ATP13A3: variants seen among roughly 807,000 people sequenced by gnomAD.
ATP13A3 encodes ATPase 13A3.
In ATP13A3, 59 loss-of-function variants were observed where a neutral mutation model predicts 158.1. That is an observed-to-expected ratio of 0.37 (90% CI 0.30 to 0.46). The LOEUF (loss-of-function observed/expected upper bound fraction) is 0.46, where lower values mean the gene tolerates loss of function less well. ATP13A3 is among the 20% of genes least tolerant of loss of function. The pLI is 1.00. For missense variants in ATP13A3, 1,166 were observed against 1,525.2 expected (o/e 0.76, Z 3.92); for synonymous variants, 491 against 504.3 (o/e 0.97, Z 0.35).
chr3:194,449,847 C>T (rs934277716), intron 11 of ATP13A3, among the ~76,000 whole-genome samples: 1 of 152,092 alleles, frequency 6.6e-6, no homozygotes, highest in Admixed American at 6.6e-5. Flanking sequence ...ATACTGTATG[C>T]CACATTTTCT....
At chr3:194,486,402 T>C (rs926798047) in intron 1 of ATP13A3, among the ~76,000 whole-genome samples, 164 bp downstream of exon 1, 1 of 149,718 alleles carries the variant, frequency 6.7e-6, no homozygotes. Context: ...CGTGGGCTCC[T>C]GCCCTGGCCT....
chr3:194,412,473 A>C (rs1715516327), intron 32 of ATP13A3, 185 bp from the exon 33 acceptor site: 5 of 553,882 alleles, frequency 9.0e-6, no homozygotes, highest in Non-Finnish European at 1.3e-5. Flanking sequence ...ACAAATACAA[A>C]TCATCATAAA....
At chr3:194,433,392 C>T (rs1006791794) in intron 21 of ATP13A3, among the ~76,000 whole-genome samples, 2 of 151,924 alleles carry the variant, frequency 1.3e-5, no homozygotes, top group Non-Finnish European at 2.9e-5. Flanking sequence ...TACAGGCACC[C>T]GCCACCGCTC....
rs553336865 is a variant in ATP13A3 at position 194,448,966 on chromosome 3, C to T, written c.971-330G>A. Among the ~76,000 whole-genome samples the T allele has an allele frequency of 2.0e-5, 3 of 151,396 alleles. No homozygotes were observed. The South Asian group carries it at 6.3e-4, about 32-fold the overall frequency. ...AAAAGATTAAGTAGTTGCTATAGTC[C>T]CTGCACCTCTAAGAACTAATGGTAA... On this transcript the variant is annotated intron_variant, in intron 11 of 33. Transcript: ENST00000645319. The surrounding 1 kb of genome is among the most constrained non-coding windows in gnomAD (Gnocchi z 4.0).
At chr3:194,421,547 C>A in intron 30 of ATP13A3, among the ~76,000 whole-genome samples, 1 of 113,532 alleles carries the variant, frequency 8.8e-6, no homozygotes, top group Non-Finnish European at 1.7e-5. Context: ...AGCGAGACTC[C>A]ATCTCAAAAA....
chr3:194,489,144 G>A (rs144112969), upstream of ATP13A3, among the ~76,000 whole-genome samples: 28 of 152,274 alleles, frequency 1.8e-4, no homozygotes, highest in Admixed American at 1.8e-3. This position sits in a 1 kb window ranked among gnomAD's most constrained non-coding sequence, Gnocchi z 4.1. Flanking sequence ...TCCTTAATAA[G>A]CCTCAAATTC....
intron 30 of ATP13A3, among the ~76,000 whole-genome samples, chr3:194,422,539 G>A (rs1223626663): frequency 1.3e-5 from 2 of 152,102 alleles, no homozygotes; most frequent in African/African-American, 2.4e-5. Context: ...GATATGATAA[G>A]GATTCTGTAG....
chr3:194,428,771 A>T (rs1294113177), intron 28 of ATP13A3, 74 bp downstream of exon 28: 1 of 1,088,060 alleles, frequency 9.2e-7, no homozygotes, highest in Non-Finnish European at 1.4e-6. Context: ...TGTTGATGTA[A>T]ATTTACAAAA....
At chr3:194,460,498 T>C (rs1719573721) in intron 4 of ATP13A3, among the ~76,000 whole-genome samples, 160 bp downstream of exon 4, 1 of 152,192 alleles carries the variant, frequency 6.6e-6, no homozygotes. Context: ...ATTATAATAA[T>C]AGTCAATTCA....
intron 2 of ATP13A3, among the ~76,000 whole-genome samples, chr3:194,474,139 C>G (rs573662380): frequency 2.6e-5 from 4 of 152,166 alleles, no homozygotes; most frequent in African/African-American, 9.6e-5. Context: ...AAAGCAAAAA[C>G]ACCTAGTTAG....
intron 6 of ATP13A3, among the ~76,000 whole-genome samples, chr3:194,458,537 C>T (rs931921877): frequency 6.6e-6 from 1 of 152,180 alleles, no homozygotes; most frequent in South Asian, 2.1e-4. Flanking sequence ...TTATAGCCAT[C>T]CATCACCAGG....
In ATP13A3 at chr3:194,460,733, C is replaced by T. The variant is rs767284131; in HGVS notation, c.150G>A (p.Met50Ile). Residue 50 changes from methionine to isoleucine, a missense_variant, in exon 4 of 34, where the codon ATG becomes ATA. This residue lies in a region of ATP13A3 where 65 missense variants were observed against 92.4 expected (regional missense o/e 0.70). Coordinates refer to ENST00000645319, the MANE Select transcript of ATP13A3 (RefSeq NM_001367549.1). ...AGGTCGCTTTCACCCGCCACTCAGG[C>T]ATCCAATAGAGGAGGAGGAGGAGAA... ...GGFLLLLLYW[M>I]PEWRVKATCV... 1.2e-6 allele frequency: 2 copies of T among 1,614,168 alleles called. No homozygotes were observed. Among genetic ancestry groups the T allele is most frequent in the East Asian group, 4.5e-5 (2 of 44,886 alleles).
intron 30 of ATP13A3, 57 bp from the exon 31 acceptor site, chr3:194,420,024 G>C: frequency 6.9e-7 from 1 of 1,441,960 alleles, no homozygotes; most frequent in Non-Finnish European, 9.1e-7. Flanking sequence ...TATATAAAAA[G>C]GCATCCAATA....
chr3:194,427,202 C>A lies in ATP13A3; in HGVS notation c.2998G>T (p.Gly1000Cys). The A allele has an allele frequency of 6.2e-7, 1 of 1,611,626 alleles. No individual in the cohort carries two copies. The highest frequency in any genetic ancestry group is 8.5e-7 in the Non-Finnish European group (1 of 1,179,542). ...KELVAQRPPS[G>C]LISGALLFSV... ...AAGAGAAGGGCCCCAGATATAAGAC[C>A]CGAAGGTGGTCTTTGTGCCACAAGT... Residue 1000 changes from glycine (G) to cysteine (C), a missense_variant, in exon 29 of 34, where the codon GGT (glycine) becomes TGT (cysteine). Gly to Cys is a radical substitution (Grantham distance 159). Transcript: ENST00000645319.
intron 31 of ATP13A3, among the ~76,000 whole-genome samples, chr3:194,419,194 A>G (rs1056491204): frequency 1.9e-4 from 29 of 152,228 alleles, no homozygotes; most frequent in African/African-American, 6.8e-4. Flanking sequence ...AGGGAACAAG[A>G]TAACATTTTC....
chr3:194,453,694 T>C lies in ATP13A3; in HGVS notation c.838+12A>G. ...CTTTTTTGATTTATTCTTCCAACAT[T>C]CAATTACTTACCTTCATTTACTCTA... On this transcript the variant is annotated intron_variant, in intron 10 of 33. Transcript: ENST00000645319. 1 of 1,602,810 alleles carries C rather than the reference T, an allele frequency of 6.2e-7. No homozygotes were observed. The highest frequency in any genetic ancestry group is 8.5e-7 in the Non-Finnish European group (1 of 1,170,436).
At chr3:194,476,769 T>G (rs552859476) in intron 2 of ATP13A3, among the ~76,000 whole-genome samples, 11 of 145,584 alleles carry the variant, frequency 7.6e-5, no homozygotes, top group East Asian at 1.9e-4. Context: ...AGTTGTTGTT[T>G]TTTTTTTTTT....
chr3:194,425,563 A>C, intron 29 of ATP13A3, 34 bp from the exon 30 acceptor site: 1 of 1,533,716 alleles, frequency 6.5e-7, no homozygotes, highest in Non-Finnish European at 8.8e-7. Context: ...TGCATTAGTA[A>C]ACATAATACT....
intron 2 of ATP13A3, among the ~76,000 whole-genome samples, chr3:194,492,890 A>G (rs1337614872): frequency 1.3e-5 from 2 of 152,326 alleles, no homozygotes; most frequent in African/African-American, 4.8e-5. Context: ...CACTTATGTA[A>G]GATTGAAAAA....
Sources: allele counts gnomAD v4.1 joint callset (sites outside exome capture counted in the v4.1 genomes callset), GRCh38; gene constraint gnomAD v4.1.1; regional missense constraint gnomAD v4.1.1; non-coding constraint Gnocchi (gnomAD v3.1); transcripts MANE v1.5; gene names NCBI Gene and HGNC (gene_info 2026-07-23, HGNC 2026-07-21).